CDKL3: variants seen among roughly 807,000 people sequenced by gnomAD.
CDKL3 encodes cyclin-dependent kinase-like 3.
Under a neutral mutation model 69.3 loss-of-function variants are expected in CDKL3, and 65 were observed. That is an observed-to-expected ratio of 0.94 (90% CI 0.77 to 1.15). CDKL3 has a LOEUF of 1.15. Among genes scored for constraint, CDKL3 ranks in the 50% most tolerant of loss-of-function variants. CDKL3 has a pLI of 0.00. For missense variants in CDKL3, 652 were observed against 689.2 expected, an observed-to-expected ratio of 0.95 and a Z score of 0.61; for synonymous variants, 202 against 221.6, an observed-to-expected ratio of 0.91 and a Z score of 0.79.
intron 10 of CDKL3, among the ~76,000 whole-genome samples, chr5:134,306,400 G>A (rs1767835532): frequency 6.6e-6 from 1 of 152,086 alleles, no homozygotes; most frequent in Non-Finnish European, 1.5e-5. Flanking sequence ...GGGAGGCTGA[G>A]GTGGGAGCAT....
chr5:134,300,874 A>G (rs1766131586), intron 12 of CDKL3, among the ~76,000 whole-genome samples: 1 of 152,162 alleles, frequency 6.6e-6, no homozygotes, highest in Admixed American at 6.5e-5. Flanking sequence ...AACTCACCCA[A>G]TGATTGAAAA....
chr5:134,338,864 T>A (rs1007569479), intron 4 of CDKL3, among the ~76,000 whole-genome samples: 2 of 151,500 alleles, frequency 1.3e-5, no homozygotes, highest in African/African-American at 4.9e-5. Flanking sequence ...AATAATAACA[T>A]TAAATGGGGT....
At chr5:134,313,840 A>G (rs1770251134) in intron 6 of CDKL3, among the ~76,000 whole-genome samples, 1 of 152,108 alleles carries the variant, frequency 6.6e-6, no homozygotes, top group South Asian at 2.1e-4. Context: ...CTAGGTCTTT[A>G]AGACTGCAAC....
At chr5:134,354,203 C>T (rs1754002112) in intron 3 of CDKL3, among the ~76,000 whole-genome samples, 1 of 152,198 alleles carries the variant, frequency 6.6e-6, no homozygotes, top group South Asian at 2.1e-4. Flanking sequence ...GAAACCCCCA[C>T]TAAACCATAA....
upstream of CDKL3, chr5:134,371,083 C>T (rs920908519): frequency 1.4e-5 from 3 of 217,648 alleles, no homozygotes; most frequent in Non-Finnish European, 2.8e-5. Context: ...ATACTTCTCC[C>T]CCTCCCACTC....
At chr5:134,321,492 A>T (rs906248914) in intron 5 of CDKL3, among the ~76,000 whole-genome samples, 1 of 152,216 alleles carries the variant, frequency 6.6e-6, no homozygotes, top group African/African-American at 2.4e-5. Flanking sequence ...TATTTGTAGA[A>T]GCCTAATTTA....
chr5:134,339,019 T>C (rs1749766439), intron 4 of CDKL3, among the ~76,000 whole-genome samples: 1 of 151,830 alleles, frequency 6.6e-6, no homozygotes, highest in Admixed American at 6.6e-5. Context: ...CCGGGCATAG[T>C]GGTGGATGCC....
intron 7 of CDKL3, among the ~76,000 whole-genome samples, chr5:134,310,486 G>T (rs541850031): frequency 6.9e-6 from 1 of 145,822 alleles, no homozygotes; most frequent in African/African-American, 2.6e-5. Context: ...CACCAAGCCC[G>T]GCCTATTCTT....
chr5:134,298,801 G>A (rs1456280405), intron 12 of CDKL3, 91 bp from the exon 13 acceptor site: 3 of 1,493,242 alleles, frequency 2.0e-6, no homozygotes, highest in East Asian at 4.6e-5. Context: ...TAAATTACAT[G>A]TAAATTACTA....
intron 9 of CDKL3, chr5:134,307,914 C>G: frequency 5.3e-6 from 3 of 562,646 alleles, no homozygotes. Flanking sequence ...TAAGGTTTTT[C>G]AAGAAGACAT....
chr5:134,319,519 T>A, intron 5 of CDKL3, 22 bp from the exon 6 acceptor site: 1 of 1,507,060 alleles, frequency 6.6e-7, no homozygotes, highest in African/African-American at 1.4e-5. Flanking sequence ...AAAAAATGTA[T>A]ATTTAAAAAA....
At chr5:134,286,112 C>A (rs62381365), downstream of CDKL3, among the ~76,000 whole-genome samples, 1 of 152,090 alleles carries the variant, frequency 6.6e-6, no homozygotes, top group African/African-American at 2.4e-5. Flanking sequence ...TAGAGTGAGA[C>A]TGTCTCAAAA....
chr5:134,349,667 G>T (rs1752759665), intron 4 of CDKL3, among the ~76,000 whole-genome samples: 1 of 152,176 alleles, frequency 6.6e-6, no homozygotes, highest in African/African-American at 2.4e-5. Flanking sequence ...AGCAAATATA[G>T]ATACACACTG....
chr5:134,336,550 T>C (rs1037378293), intron 4 of CDKL3, among the ~76,000 whole-genome samples: 1 of 152,238 alleles, frequency 6.6e-6, no homozygotes, highest in Non-Finnish European at 1.5e-5. Context: ...TATTCCTTTC[T>C]GTTTGTTAGT....
chr5:134,352,020 T>A (rs1265156201), intron 3 of CDKL3, among the ~76,000 whole-genome samples: 4 of 152,160 alleles, frequency 2.6e-5, no homozygotes, highest in Non-Finnish European at 5.9e-5. Flanking sequence ...TGAATTTTTG[T>A]ATCCCTTGAC....
At chr5:134,356,306 G>A (rs1454195365) in intron 3 of CDKL3, among the ~76,000 whole-genome samples, 1 of 152,200 alleles carries the variant, frequency 6.6e-6, no homozygotes, top group African/African-American at 2.4e-5. Context: ...GGTAATGCGA[G>A]CAATGCAAAG....
intron 2 of CDKL3, among the ~76,000 whole-genome samples, chr5:134,364,816 T>C (rs868038099): frequency 1.4e-5 from 2 of 145,184 alleles, no homozygotes; most frequent in South Asian, 4.3e-4. Flanking sequence ...CCCTTTTTTT[T>C]TTTCTTTTGA....
chr5:134,309,040 A>G (rs954744002), intron 7 of CDKL3, among the ~76,000 whole-genome samples: 1 of 152,212 alleles, frequency 6.6e-6, no homozygotes, highest in Non-Finnish European at 1.5e-5. Context: ...TGATAAAGAT[A>G]CTGTTATTTT....
downstream of CDKL3, among the ~76,000 whole-genome samples, chr5:134,295,205 T>A (rs35514492): frequency 0.16 from 23,524 of 151,608 alleles, 2,343 homozygotes; most frequent in African/African-American, 0.28. Flanking sequence ...TTTAGTAGAG[T>A]CAGGGTTTCA....
Sources: allele counts gnomAD v4.1 joint callset (sites outside exome capture counted in the v4.1 genomes callset), GRCh38; gene constraint gnomAD v4.1.1; transcripts MANE v1.5; gene names NCBI Gene and HGNC (gene_info 2026-07-23, HGNC 2026-07-21).